The following PRPF18 variants were observed in gnomAD, a reference collection of about 807,000 sequenced individuals.
PRPF18 encodes pre-mRNA processing factor 18.
Under a neutral mutation model 46.5 loss-of-function variants are expected in PRPF18, and 38 were observed. That is an observed-to-expected ratio of 0.82 (90% CI 0.63 to 1.07). PRPF18 has a LOEUF of 1.07. Ranked by LOEUF, PRPF18 falls within the 50% of genes least tolerant of loss-of-function variation. The probability of loss-of-function intolerance (pLI) is 0.00; values close to 1 mark genes in which losing one functional copy is unlikely to be tolerated. For synonymous variants in PRPF18, 152 were observed against 146.7 expected (o/e 1.04, Z -0.26); for missense variants, 263 against 410.0 (o/e 0.64, Z 3.10).
intron 4 of PRPF18, among the ~76,000 whole-genome samples, chr10:13,608,952 C>A (rs2080231371): frequency 6.6e-6 from 1 of 152,184 alleles, no homozygotes; most frequent in Admixed American, 6.5e-5. Context: ...CTGGGATGCA[C>A]TGAGAATTCG....
At chr10:13,589,857 T>G (rs2079930944) in intron 1 of PRPF18, among the ~76,000 whole-genome samples, 1 of 152,164 alleles carries the variant, frequency 6.6e-6, no homozygotes, top group Non-Finnish European at 1.5e-5. Flanking sequence ...TGCTGTTTGG[T>G]AGGTATGGGG....
the PRPF18 span, among the ~76,000 whole-genome samples, chr10:13,636,129 G>A: frequency 2.0e-5 from 3 of 152,140 alleles, no homozygotes; most frequent in Non-Finnish European, 4.4e-5. Flanking sequence ...GTTAAAGTAC[G>A]AGATAGGTTT....
the PRPF18 span, chr10:13,645,953 T>TATCA: frequency 1.4e-4 from 21 of 152,676 alleles, no homozygotes; most frequent in Admixed American, 3.9e-4. Flanking sequence ...TTTTGGCCAT[T>TATCA]ATCACCTTAC....
chr10:13,611,453 G>GT (rs766080841), intron 5 of PRPF18, among the ~76,000 whole-genome samples, 162 bp from the exon 6 acceptor site: 1 of 152,026 alleles, frequency 6.6e-6, no homozygotes, highest in Non-Finnish European at 1.5e-5. Flanking sequence ...GCAAATCCGT[G>GT]TTTTTTGTTT....
At chr10:13,651,927 G>C in the PRPF18 span, 7 of 1,589,884 alleles carry the variant, frequency 4.4e-6, no homozygotes, top group Non-Finnish European at 6.0e-6. Context: ...ACTTTGGTGA[G>C]GTGGAGACTC....
intron 1 of PRPF18, among the ~76,000 whole-genome samples, chr10:13,595,853 C>CA (rs1244880999): frequency 6.6e-6 from 1 of 152,032 alleles, no homozygotes; most frequent in Non-Finnish European, 1.5e-5. Flanking sequence ...AAACATAATA[C>CA]AAAAATAGAT....
the PRPF18 span, chr10:13,651,790 G>A: frequency 1.4e-6 from 1 of 698,426 alleles, no homozygotes; most frequent in East Asian, 2.5e-5. Context: ...CTAGAAATAA[G>A]GCATAAATAC....
chr10:13,633,186 C>T (rs970534003), downstream of PRPF18, among the ~76,000 whole-genome samples: 16 of 152,138 alleles, frequency 1.1e-4, no homozygotes, highest in Non-Finnish European at 2.1e-4. Context: ...GTCCGAATCT[C>T]GTAGGAGGAA....
At chr10:13,636,105 T>G in the PRPF18 span, among the ~76,000 whole-genome samples, 1 of 152,082 alleles carries the variant, frequency 6.6e-6, no homozygotes, top group Non-Finnish European at 1.5e-5. Context: ...TATTACAAAA[T>G]AAATGGGAGG....
chr10:13,644,873 C>T, the PRPF18 span: 59 of 152,336 alleles, frequency 3.9e-4, no homozygotes, highest in African/African-American at 1.4e-3. Context: ...CAGTGAATCC[C>T]TAGAATCATT....
intron 1 of PRPF18, among the ~76,000 whole-genome samples, chr10:13,594,854 A>G (rs924157985): frequency 3.3e-5 from 5 of 152,190 alleles, no homozygotes; most frequent in African/African-American, 1.2e-4. Context: ...CCAAACACCC[A>G]AATCTGACTA....
the PRPF18 span, chr10:13,648,122 T>TA: frequency 4.6e-5 from 7 of 152,228 alleles, no homozygotes; most frequent in African/African-American, 9.6e-5. Flanking sequence ...CATCTGGCCT[T>TA]AAAATCCATG....
At chr10:13,628,788 G>A (rs1456928034) in intron 9 of PRPF18, among the ~76,000 whole-genome samples, 3 of 152,114 alleles carry the variant, frequency 2.0e-5, no homozygotes, top group Admixed American at 6.6e-5. Flanking sequence ...GTCTTTCCTT[G>A]TAAACAAGGA....
intron 9 of PRPF18, among the ~76,000 whole-genome samples, chr10:13,621,256 C>T (rs966663703): frequency 3.3e-5 from 5 of 152,222 alleles, no homozygotes; most frequent in Admixed American, 2.0e-4. Flanking sequence ...TCCCTCCAAA[C>T]GTGACTTTAC....
the PRPF18 span, chr10:13,640,364 C>T: frequency 6.6e-6 from 1 of 152,146 alleles, no homozygotes; most frequent in Non-Finnish European, 1.5e-5. Flanking sequence ...TAATAGGCAA[C>T]CAGGTTTTCA....
chr10:13,651,466 ACTTAAAG>A, the PRPF18 span: 5 of 167,134 alleles, frequency 3.0e-5, no homozygotes, highest in South Asian at 1.6e-4. Flanking sequence ...CGCACAGATC[ACTTAAAG>A]CTTAAAGTCA....
At chr10:13,595,142 T>TC (rs1331048486) in intron 1 of PRPF18, among the ~76,000 whole-genome samples, 1 of 152,008 alleles carries the variant, frequency 6.6e-6, no homozygotes, top group South Asian at 2.1e-4. Context: ...TCCCAAATCC[T>TC]CCCCCCATGT....
intron 1 of PRPF18, among the ~76,000 whole-genome samples, chr10:13,594,861 A>G (rs368324816): frequency 1.6e-4 from 25 of 152,330 alleles, no homozygotes; most frequent in African/African-American, 6.0e-4. Context: ...CCCAAATCTG[A>G]CTAATCAAAC....
At chr10:13,589,615 C>T (rs115209680) in intron 1 of PRPF18, among the ~76,000 whole-genome samples, 1 of 152,290 alleles carries the variant, frequency 6.6e-6, no homozygotes, top group East Asian at 1.9e-4. Flanking sequence ...AGTGAGCAGG[C>T]AGATAATGCC....
Sources: allele counts gnomAD v4.1 joint callset (sites outside exome capture counted in the v4.1 genomes callset), GRCh38; gene constraint gnomAD v4.1.1; transcripts MANE v1.5; gene names NCBI Gene and HGNC (gene_info 2026-07-23, HGNC 2026-07-21).